Variants in ARHGEF26 observed in about 807,000 individuals in gnomAD.
The protein encoded by ARHGEF26 is Rho guanine nucleotide exchange factor (GEF) 26.
ARHGEF26 carries 59 observed loss-of-function variants against 89.4 expected under a neutral mutation model. The ratio of observed to expected loss-of-function variants is 0.66; its 90% confidence interval spans 0.54 to 0.82. The LOEUF is 0.82. ARHGEF26 is among the 40% of genes least tolerant of loss of function. The probability of loss-of-function intolerance (pLI) is 0.00; values close to 1 mark genes in which losing one functional copy is unlikely to be tolerated. For missense variants in ARHGEF26, 1,234 were observed against 1,085.6 expected (o/e 1.14, Z -1.92); for synonymous variants, 500 against 428.4 (o/e 1.17, Z -2.06).
intron 9 of ARHGEF26, among the ~76,000 whole-genome samples, chr3:154,203,129 A>G (rs1714763393): frequency 6.6e-6 from 1 of 152,206 alleles, no homozygotes; most frequent in African/African-American, 2.4e-5. Flanking sequence ...GATATTGGCT[A>G]TGGGTTTGTC....
At chr3:154,172,117 A>G (rs357481) in intron 6 of ARHGEF26, among the ~76,000 whole-genome samples, 78,531 of 152,054 alleles carry the variant, frequency 0.52, 20,444 homozygotes, top group Non-Finnish European at 0.53. Flanking sequence ...CTGCGCAAGA[A>G]GCAGGTGCGA....
intron 3 of ARHGEF26, among the ~76,000 whole-genome samples, chr3:154,126,667 A>G (rs1718348368): frequency 6.6e-6 from 1 of 152,160 alleles, no homozygotes; most frequent in Admixed American, 6.5e-5. Flanking sequence ...ACCATTGCCT[A>G]CAAATATTTC....
chr3:154,246,149 G>A (rs190789342), intron 12 of ARHGEF26, among the ~76,000 whole-genome samples: 6 of 152,264 alleles, frequency 3.9e-5, no homozygotes, highest in Non-Finnish European at 8.8e-5. Context: ...CTCTAACTTA[G>A]GTGGTGCAGA....
At chr3:154,190,183 TGGG>T (rs1422497176) in intron 7 of ARHGEF26, among the ~76,000 whole-genome samples, 5 of 151,676 alleles carry the variant, frequency 3.3e-5, no homozygotes, top group African/African-American at 7.3e-5. Context: ...GAGTGAGAAA[TGGG>T]GGGACAAGAG....
chr3:154,184,988 A>T (rs1260537570), intron 6 of ARHGEF26, among the ~76,000 whole-genome samples: 1 of 151,974 alleles, frequency 6.6e-6, no homozygotes, highest in Non-Finnish European at 1.5e-5. Context: ...CGTTGCTTCC[A>T]CTGCCCATTG....
chr3:154,188,387 A>G (rs1713726142), intron 7 of ARHGEF26, among the ~76,000 whole-genome samples: 1 of 152,252 alleles, frequency 6.6e-6, no homozygotes, highest in African/African-American at 2.4e-5. Flanking sequence ...TAAAGATTTC[A>G]GTTATGCAGC....
rs368202288 is a variant in ARHGEF26, at chr3:154,123,072, A to G, written c.1080A>G (p.Ile360Met). The change falls in exon 2 of 15, where the codon ATA (isoleucine) becomes ATG (methionine). Residue 360 changes from isoleucine to methionine, a missense_variant. Ile to Met is a conservative substitution (Grantham distance 10). Transcript: ENST00000465093. ...DKEKFSSLGR[I>M]KKKMLKGQGT... ...AGAAGTTTTCCAGTCTGGGAAGGAT[A>G]AAGGTAAAAGTGGGCAGGAGTGTGG... 2 of 1,613,708 alleles carry G rather than the reference A, an allele frequency of 1.2e-6. No homozygotes were observed. Among genetic ancestry groups the G allele is most frequent in the Middle Eastern group, 3.3e-4 (2 of 6,062 alleles).
rs112430105 is a variant in ARHGEF26, at chr3:154,215,430, G to A, written c.1846-2439G>A. On this transcript the variant is annotated intron_variant, in intron 9 of 14. Transcript: ENST00000465093. ...TTTTTTGCCTTTTGTCTGCCCTTCC[G>A]TGAGGTTAGGGATTGTAAGTATTAT... is the stretch of plus-strand genomic sequence containing the variant. Among the ~76,000 whole-genome samples, 214 of 149,726 alleles carry A rather than the reference G, an allele frequency of 1.4e-3. 2 individuals carry two copies. Among genetic ancestry groups the A allele is most frequent in the African/African-American group, 4.9e-3 (200 of 40,550 alleles).
chr3:154,213,216 A>AGAGAGTGTGTGTGTGT (rs1553747872), intron 9 of ARHGEF26, among the ~76,000 whole-genome samples: 1 of 141,932 alleles, frequency 7.0e-6, no homozygotes, highest in African/African-American at 2.6e-5. Context: ...AGAGAGAGAG[A>AGAGAGTGTGTGTGTGT]GTGTGTGTGT....
At chr3:154,212,008 T>C (rs1401157882) in intron 9 of ARHGEF26, among the ~76,000 whole-genome samples, 2 of 152,072 alleles carry the variant, frequency 1.3e-5, no homozygotes, top group Admixed American at 1.3e-4. Context: ...TACAGCTCTG[T>C]AAGAACGTAT....
intron 6 of ARHGEF26, among the ~76,000 whole-genome samples, chr3:154,180,880 G>A (rs6796038): frequency 0.18 from 26,657 of 151,890 alleles, 2,915 homozygotes; most frequent in East Asian, 0.45. Context: ...TATTTGTGTC[G>A]AATCAACACA....
chr3:154,214,790 C>A (rs914551256), intron 9 of ARHGEF26, among the ~76,000 whole-genome samples: 3 of 152,088 alleles, frequency 2.0e-5, no homozygotes, highest in Non-Finnish European at 4.4e-5. Context: ...CTGTTCCTTT[C>A]AGGGTATTGC....
chr3:154,205,919 C>T (rs1576777392), intron 9 of ARHGEF26, among the ~76,000 whole-genome samples: 1 of 152,064 alleles, frequency 6.6e-6, no homozygotes, highest in Middle Eastern at 3.2e-3. Context: ...GGGTAGTTTA[C>T]ACACCATAGT....
At chr3:154,228,205 C>G (rs1157258355) in intron 11 of ARHGEF26, among the ~76,000 whole-genome samples, 3 of 149,334 alleles carry the variant, frequency 2.0e-5, no homozygotes, top group African/African-American at 7.4e-5. Flanking sequence ...GGCATGATCT[C>G]TGGTTCACTG....
chr3:154,251,762 G>A (rs1378998293), intron 12 of ARHGEF26, among the ~76,000 whole-genome samples: 1 of 152,120 alleles, frequency 6.6e-6, no homozygotes, highest in Non-Finnish European at 1.5e-5. Context: ...GATTTCATTT[G>A]CAAAAAGTAC....
intron 6 of ARHGEF26, chr3:154,187,224 G>C (rs898799755): frequency 6.1e-6 from 6 of 984,078 alleles, no homozygotes; most frequent in Non-Finnish European, 7.2e-6. Context: ...TTATTTAGGT[G>C]TTTTGCTCAT....
chr3:154,156,664 C>A (rs1051260255), intron 6 of ARHGEF26, among the ~76,000 whole-genome samples: 1 of 152,128 alleles, frequency 6.6e-6, no homozygotes, highest in Non-Finnish European at 1.5e-5. Flanking sequence ...ATTCAAAGTA[C>A]TCAGAAGATT....
At chr3:154,200,680 A>C (rs947846405) in intron 9 of ARHGEF26, among the ~76,000 whole-genome samples, 1 of 151,242 alleles carries the variant, frequency 6.6e-6, no homozygotes, top group Non-Finnish European at 1.5e-5. Context: ...TAATTTAATA[A>C]TTTAATTTAA....
chr3:154,205,605 T>C lies in ARHGEF26; in HGVS notation c.1845+10887T>C, dbSNP rs558294418. Among the ~76,000 whole-genome samples the C allele has an allele frequency of 2.0e-5, 3 of 152,328 alleles. No homozygotes were observed. In the South Asian group the frequency reaches 6.2e-4, roughly 32 times the overall value. On this transcript the variant is annotated intron_variant, in intron 9 of 14. Transcript: ENST00000465093. ...CTATTCCTTCTTTCCTTCCTTTTTG[T>C]CTTCCTCTAGTGAAGATTATTTCAT...
Sources: gnomAD v4.1 joint callset for allele counts (sites outside exome capture counted in the v4.1 genomes callset) on GRCh38, gnomAD v4.1.1 for gene constraint, MANE v1.5 for transcripts, NCBI Gene and HGNC (gene_info 2026-07-23, HGNC 2026-07-21) for gene names.